LRP2: variants seen among roughly 807,000 people sequenced by gnomAD.
The protein encoded by LRP2 is low-density lipoprotein receptor-related protein 2.
Under a neutral mutation model 531.0 loss-of-function variants are expected in LRP2, and 172 were observed. That is an observed-to-expected ratio of 0.32 (90% CI 0.29 to 0.37). The LOEUF (loss-of-function observed/expected upper bound fraction) is 0.37. Ranked by LOEUF, LRP2 falls within the 10% of genes least tolerant of loss-of-function variation. The pLI, the probability that LRP2 is intolerant of heterozygous loss-of-function variation, is 1.00. For synonymous variants in LRP2, 1,992 were observed against 2,027.6 expected (o/e 0.98, Z 0.47); for missense variants, 5,167 against 5,868.3 (o/e 0.88, Z 3.90).
At chr2:169,168,700 T>G (rs750698334) in intron 60 of LRP2, 24 bp from the exon 61 acceptor site, 2 of 1,613,594 alleles carry the variant, frequency 1.2e-6, no homozygotes, top group Admixed American at 3.3e-5. Flanking sequence ...AAAAAACATA[T>G]TCAAATTATT....
rs1405505463 is a variant in LRP2 at position 169,173,997 on chromosome 2, G to A, written c.10936C>T (p.Arg3646Cys). 2.5e-6 allele frequency: 4 copies of A among 1,614,194 alleles called. No individual in the cohort carries two copies. The highest frequency in any genetic ancestry group is 2.2e-5 in the South Asian group (2 of 91,082). ...RPGQFRCANG[R>C]CIPQAWKCDV... ...CACTTCCAGGCCTGCGGGATGCAGCGGCCATTAGCACACCGAAACTGGCCC... is the reference window on the plus strand; with the variant it reads ...CACTTCCAGGCCTGCGGGATGCAGCAGCCATTAGCACACCGAAACTGGCCC... The change falls in exon 56 of 79, where the codon CGC becomes TGC. Residue 3646 changes from arginine to cysteine, a missense_variant. By Grantham distance (180) the Arg-to-Cys change is radical. Transcript: ENST00000649046.
chr2:169,225,026 G>A (rs1048658580), intron 33 of LRP2, among the ~76,000 whole-genome samples: 4 of 151,996 alleles, frequency 2.6e-5, no homozygotes, highest in African/African-American at 9.7e-5. Flanking sequence ...AGGAGCCAGA[G>A]GTTGCAGTGA....
chr2:169,181,646 C>T (rs372350674), intron 51 of LRP2, 28 bp from the exon 52 acceptor site: 1 of 1,606,724 alleles, frequency 6.2e-7, no homozygotes. Context: ...AAGGGTCAGT[C>T]CCTGATGCCA....
chr2:169,182,031 A>G (rs1687457481), intron 51 of LRP2, 136 bp downstream of exon 51: 1 of 1,121,724 alleles, frequency 8.9e-7, no homozygotes, highest in Non-Finnish European at 1.3e-6. Flanking sequence ...ACACTAAACA[A>G]TTTACCAAGT....
intron 4 of LRP2, among the ~76,000 whole-genome samples, chr2:169,306,943 T>C (rs913874241): frequency 2.0e-5 from 3 of 152,362 alleles, no homozygotes; most frequent in African/African-American, 7.2e-5. Flanking sequence ...AAACTTACTA[T>C]AGCTGTGTAA....
chr2:169,362,368 G>A lies in LRP2; in HGVS notation c.32C>T (p.Thr11Met), dbSNP rs1266874181. The A allele has an allele frequency of 1.3e-6, 2 of 1,570,486 alleles. No individual in the cohort carries two copies. The highest frequency in any genetic ancestry group is 1.4e-5 in the African/African-American group (1 of 73,830). The change falls in exon 1 of 79, where the codon ACG (threonine) becomes ATG (methionine). Residue 11 changes from threonine (T) to methionine (M), a missense_variant. By Grantham distance (81) the Thr-to-Met change is moderately conservative. Transcript: ENST00000649046. MDRGPAAVACTLLLALVACLA... is the reference protein window; with the variant it reads MDRGPAAVACMLLLALVACLA... ...GCAGGCGACGAGAGCCAGGAGCAGC[G>A]TGCACGCCACTGCTGCCGGCCCGCG...
intron 58 of LRP2, 140 bp downstream of exon 58, chr2:169,171,875 C>A (rs1157851970): frequency 2.0e-6 from 2 of 1,011,556 alleles, no homozygotes; most frequent in African/African-American, 3.1e-5. Flanking sequence ...AATGTACTGA[C>A]CAGCAGAAAG....
At chr2:169,248,486 G>C (rs188600497) in intron 19 of LRP2, among the ~76,000 whole-genome samples, 1 of 152,206 alleles carries the variant, frequency 6.6e-6, no homozygotes, top group African/African-American at 2.4e-5. Context: ...AATAAGTAAG[G>C]AGTTCAATAA....
In LRP2 at chr2:169,182,877, C is replaced by T. The variant is rs116096988; in HGVS notation, c.9846-558G>A. ...ATTTCACTTAATCAAACCTAAGAAGCTTTAGAAACATATTAGGATCTGTTA... is the reference window on the plus strand; with the variant it reads ...ATTTCACTTAATCAAACCTAAGAAGTTTTAGAAACATATTAGGATCTGTTA... On this transcript the variant is annotated intron_variant, in intron 50 of 78. Transcript: ENST00000649046. 8.9e-3 allele frequency among the ~76,000 whole-genome samples: 1,359 copies of T among 152,268 alleles called. 27 individuals carry two copies. Among genetic ancestry groups the T allele is most frequent in the African/African-American group, 0.031 (1,276 of 41,546 alleles).
chr2:169,207,153 C>T lies in LRP2; in HGVS notation c.6567G>A (p.Val2189=). 6.2e-7 allele frequency: 1 copy of T among 1,613,272 alleles called. No individual in the cohort carries two copies. ...CTACAACAATATGCCTAGGCATGTC[C>T]ACTGTGACTTTAAGAAGAACACGGC... is the stretch of plus-strand genomic sequence containing the variant. The part of the protein sequence containing the change: ...TYRRVLLKVT[V]DMPRHIVVDP... Residue 2189 remains valine, a synonymous_variant, in exon 39 of 79, where the codon GTG becomes GTA. Transcript: ENST00000649046.
intron 71 of LRP2, among the ~76,000 whole-genome samples, chr2:169,140,916 A>G (rs980149209): frequency 2.4e-4 from 36 of 152,340 alleles, no homozygotes; most frequent in Admixed American, 5.9e-4. Context: ...CAAGAGTTTA[A>G]TGTAGGCCCA....
At chr2:169,215,232 C>G (rs1688736614) in intron 35 of LRP2, among the ~76,000 whole-genome samples, 1 of 152,134 alleles carries the variant, frequency 6.6e-6, no homozygotes, top group Non-Finnish European at 1.5e-5. Flanking sequence ...AAAGCCAAAC[C>G]TACTGCACAA....
At chr2:169,284,455 C>A (rs111579619) in intron 9 of LRP2, among the ~76,000 whole-genome samples, 1 of 151,460 alleles carries the variant, frequency 6.6e-6, no homozygotes, top group Non-Finnish European at 1.5e-5. Context: ...TTAGTAGAGA[C>A]GGCATTTCCC....
intron 54 of LRP2, among the ~76,000 whole-genome samples, chr2:169,176,133 C>G (rs1348277583): frequency 6.6e-6 from 1 of 152,170 alleles, no homozygotes; most frequent in Non-Finnish European, 1.5e-5. Flanking sequence ...CACTCTGGCT[C>G]CAATACTTAA....
In LRP2 at chr2:169,156,209, T is replaced by C. The variant is rs113416627; in HGVS notation, c.12151+65A>G. 190 of 1,602,096 alleles carry C rather than the reference T, an allele frequency of 1.2e-4. 3 individuals are homozygous for C. In the African/African-American group the frequency reaches 2.0e-3, roughly 17 times the overall value. ...TGAGAAGCTGAAGTTTCTTTCATCG[T>C]ATAGTGTACTTAGCAGTATTTATTT... On this transcript the variant is annotated intron_variant, in intron 65 of 78. Coordinates refer to ENST00000649046, the MANE Select transcript of LRP2 (RefSeq NM_004525.3).
intron 45 of LRP2, among the ~76,000 whole-genome samples, 184 bp from the exon 46 acceptor site, chr2:169,197,214 C>T (rs772661180): frequency 2.0e-5 from 3 of 151,472 alleles, no homozygotes; most frequent in Non-Finnish European, 4.4e-5. Context: ...AGAAGGAAGT[C>T]AATCCTGCCC....
intron 27 of LRP2, among the ~76,000 whole-genome samples, chr2:169,237,548 A>G (rs1237240988): frequency 6.6e-6 from 1 of 152,214 alleles, no homozygotes; most frequent in Non-Finnish European, 1.5e-5. Flanking sequence ...TGGTTTCAAA[A>G]GTTTTTGCAA....
rs186279211 is a variant in LRP2, at chr2:169,350,240, T to A, written c.79+12081A>T. ...TGAGAAATTCCACATGGAAAGCAAG[T>A]TTGGACATTAGTGGAGATCAGGAGT... On this transcript the variant is annotated intron_variant, in intron 1 of 78. Transcript: ENST00000649046. Among the ~76,000 whole-genome samples, 19 of 152,258 alleles carry A rather than the reference T, an allele frequency of 1.2e-4. 1 individual carries two copies. In the East Asian group the frequency reaches 3.7e-3, roughly 29 times the overall value.
chr2:169,133,260 G>A (rs1685357297), intron 76 of LRP2, among the ~76,000 whole-genome samples: 1 of 152,138 alleles, frequency 6.6e-6, no homozygotes, highest in African/African-American at 2.4e-5. Flanking sequence ...CAATTCCAAG[G>A]TTCCCTTTTA....
Sources: allele counts gnomAD v4.1 joint callset (sites outside exome capture counted in the v4.1 genomes callset), GRCh38; gene constraint gnomAD v4.1.1; transcripts MANE v1.5; gene names NCBI Gene and HGNC (gene_info 2026-07-23, HGNC 2026-07-21).